The following MOCS1 variants were observed in gnomAD, a reference collection of about 807,000 sequenced individuals.
MOCS1 encodes the protein molybdenum cofactor biosynthesis protein 1.
A neutral mutation model predicts 57.6 loss-of-function variants in MOCS1; 39 were observed. The observed-to-expected ratio is 0.68, with a 90% CI of 0.52 to 0.88. The LOEUF is 0.88. Among genes scored for constraint, MOCS1 ranks in the 40% least tolerant of loss-of-function variants. The probability of loss-of-function intolerance (pLI) is 0.00; values close to 1 mark genes in which losing one functional copy is unlikely to be tolerated. For synonymous variants in MOCS1, 334 were observed against 335.7 expected, an observed-to-expected ratio of 1.00 and a Z score of 0.05; for missense variants, 795 against 831.1, an observed-to-expected ratio of 0.96 and a Z score of 0.53.
intron 3 of MOCS1, among the ~76,000 whole-genome samples, chr6:39,920,815 C>CA (rs201751623): frequency 0.023 from 3,434 of 151,800 alleles, 120 homozygotes; most frequent in African/African-American, 0.077. Flanking sequence ...ACTGTCTCTA[C>CA]AAAAAATACA....
intron 4 of MOCS1, among the ~76,000 whole-genome samples, chr6:39,914,242 G>C (rs1176681117): frequency 1.3e-5 from 2 of 152,222 alleles, no homozygotes; most frequent in African/African-American, 2.4e-5. Context: ...CAGGGGGCTA[G>C]ATGTGGCCTG....
chr6:39,920,627 A>G (rs1435238922), intron 3 of MOCS1, among the ~76,000 whole-genome samples: 1 of 152,208 alleles, frequency 6.6e-6, no homozygotes, highest in Non-Finnish European at 1.5e-5. Context: ...TAAGCCCTGA[A>G]AGACTACACA....
Position 39,907,042 on chromosome 6 carries a change from C to A in MOCS1, c.1226G>T (p.Gly409Val). The change falls in exon 11 of 11, where the codon GGT becomes GTT. Residue 409 changes from glycine (G) to valine (V), a missense_variant. This residue lies in a region of MOCS1 where 374 missense variants were observed against 422.6 expected (regional missense o/e 0.89). Transcript: ENST00000340692. ...IFSWDPLHVQ[G>V]LRPRMSFSSQ... is the part of the protein sequence containing the mutation. The stretch of plus-strand genomic sequence containing the variant: ...GGAGAAACTCATTCTGGGTCTTAGA[C>A]CCTGAACATGGAGCGGGTCCCAGGA... 5 of 1,613,676 alleles carry A rather than the reference C, an allele frequency of 3.1e-6. No individual in the cohort carries two copies. The highest frequency in any genetic ancestry group is 4.2e-6 in the Non-Finnish European group (5 of 1,179,724).
At chr6:39,926,858 T>G (rs73414898) in intron 2 of MOCS1, among the ~76,000 whole-genome samples, 1 of 148,052 alleles carries the variant, frequency 6.8e-6, no homozygotes. Context: ...TTTGGGAGGA[T>G]TATGAAATGA....
intron 3 of MOCS1, among the ~76,000 whole-genome samples, chr6:39,917,900 G>A (rs951052628): frequency 6.6e-6 from 1 of 152,124 alleles, no homozygotes; most frequent in African/African-American, 2.4e-5. Context: ...ATTCAGCAAA[G>A]GCATTCTTGA....
chr6:39,921,588 A>C (rs1349761126), intron 3 of MOCS1, among the ~76,000 whole-genome samples: 1 of 152,172 alleles, frequency 6.6e-6, no homozygotes, highest in Non-Finnish European at 1.5e-5. Flanking sequence ...CCAAAAATAA[A>C]ACAAAATGCT....
chr6:39,915,392 C>T (rs993079653), intron 4 of MOCS1, among the ~76,000 whole-genome samples: 6 of 152,154 alleles, frequency 3.9e-5, no homozygotes, highest in South Asian at 4.1e-4. Context: ...CTCTGATCCT[C>T]CAGAGTCCTC....
chr6:39,906,604 T>G lies in MOCS1; in HGVS notation c.1664A>C (p.His555Pro), dbSNP rs769461471. Residue 555 changes from histidine to proline, a missense_variant, in exon 11 of 11, where the codon CAC becomes CCC. Around this residue, in one of 3 missense-constraint regions of MOCS1, gnomAD observed 374 missense variants for 422.6 expected, o/e 0.89. Coordinates refer to ENST00000340692, the MANE Select transcript of MOCS1 (RefSeq NM_001358530.2). ...CTGGATGTGGCTCAGGGCCACGTGG[T>G]GGCACAGAGGGATCAGCTGGCTGGT... ...KVTSQLIPLC[H>P]HVALSHIQVQ... 6.2e-6 allele frequency: 10 copies of G among 1,613,874 alleles called. No individual in the cohort carries two copies. Among genetic ancestry groups the G allele is most frequent in the Non-Finnish European group, 8.5e-6 (10 of 1,180,028 alleles).
intron 9 of MOCS1, among the ~76,000 whole-genome samples, chr6:39,909,317 CAGGGGAA>C (rs1767170057): frequency 3.3e-5 from 2 of 60,036 alleles, no homozygotes; most frequent in Non-Finnish European, 6.2e-5. Context: ...GAGAGGAAAG[CAGGGGAA>C]GGGGAGAGGG....
In MOCS1 at chr6:39,910,412, C is replaced by T. The variant is rs547385274; in HGVS notation, c.982-457G>A. Among the ~76,000 whole-genome samples the T allele has an allele frequency of 2.0e-5, 3 of 152,316 alleles. No homozygotes were observed. The South Asian group carries it at 6.2e-4, about 32-fold the overall frequency. On this transcript the variant is annotated intron_variant, in intron 8 of 10. Coordinates refer to ENST00000340692, the MANE Select transcript of MOCS1 (RefSeq NM_001358530.2). ...CCCTCCAAGTCCCTTGTGGACATCA[C>T]CTGACTGCCCTGTACCTATTTGAGT... is the stretch of plus-strand genomic sequence containing the variant.
chr6:39,910,028 C>T, intron 8 of MOCS1, 73 bp from the exon 9 acceptor site: 1 of 1,600,792 alleles, frequency 6.2e-7, no homozygotes, highest in Non-Finnish European at 8.5e-7. Context: ...GGAGCTAACT[C>T]CTTCCCTGGT....
intron 10 of MOCS1, 136 bp from the exon 11 acceptor site, chr6:39,907,253 A>T (rs1324596108): frequency 1.0e-6 from 1 of 972,794 alleles, no homozygotes; most frequent in Non-Finnish European, 1.5e-6. Flanking sequence ...AAGAACAAAA[A>T]GCATAGTGGG....
intron 3 of MOCS1, among the ~76,000 whole-genome samples, chr6:39,925,032 A>G (rs1768197020): frequency 6.6e-6 from 1 of 152,184 alleles, no homozygotes; most frequent in Non-Finnish European, 1.5e-5. Flanking sequence ...GTGAGCCGAG[A>G]TCCTGCCACT....
chr6:39,906,364 C>G lies in MOCS1; in HGVS notation c.1904G>C (p.Arg635Pro). The G allele has an allele frequency of 6.3e-7, 1 of 1,595,660 alleles. No homozygotes were observed. The highest frequency in any genetic ancestry group is 1.1e-5 in the South Asian group (1 of 89,452). The change falls in exon 11 of 11, where the codon CGG becomes CCG. Residue 635 changes from arginine (R) to proline (P), a missense_variant. Arg to Pro is a moderately radical substitution (Grantham distance 103). Coordinates refer to ENST00000340692, the MANE Select transcript of MOCS1 (RefSeq NM_001358530.2). ...GGGTGAGAAGGGCAGGTGCTAAGCCCGATGGAAGTCCCCCCGCTGACCACC... is the reference window on the plus strand; with the variant it reads ...GGGTGAGAAGGGCAGGTGCTAAGCCGGATGGAAGTCCCCCCGCTGACCACC... The part of the protein sequence containing the change: ...KTGGQRGDFH[R>P]A
chr6:39,930,362 C>A (rs997331813), intron 1 of MOCS1, among the ~76,000 whole-genome samples: 3 of 152,132 alleles, frequency 2.0e-5, no homozygotes, highest in African/African-American at 7.2e-5. Flanking sequence ...GGATCATATT[C>A]CCAGGGTCCC....
chr6:39,930,059 C>T (rs1218861258), intron 1 of MOCS1, among the ~76,000 whole-genome samples: 1 of 151,962 alleles, frequency 6.6e-6, no homozygotes, highest in Admixed American at 6.6e-5. Flanking sequence ...CAGACTGCAC[C>T]ACCCGTTCTG....
chr6:39,912,472 C>G lies in MOCS1; in HGVS notation c.871-98G>C. ...ACATCAGAACCTCCACTCCTCAACC[C>G]TCTCCCAGAGGACCCCACGTGAAGC... On this transcript the variant is annotated intron_variant, in intron 7 of 10. Coordinates refer to ENST00000340692, the MANE Select transcript of MOCS1 (RefSeq NM_001358530.2). 3 of 896,050 alleles carry G rather than the reference C, an allele frequency of 3.3e-6. No individual in the cohort carries two copies. In the South Asian group the frequency reaches 4.0e-5, roughly 12 times the overall value. The allele number at this position is 896,050 out of a possible 1,614,324, so 55.5% of individuals were successfully genotyped here.
At chr6:39,918,430 T>C (rs1170578385) in intron 3 of MOCS1, among the ~76,000 whole-genome samples, 1 of 152,242 alleles carries the variant, frequency 6.6e-6, no homozygotes, top group Non-Finnish European at 1.5e-5. Context: ...AGAGAAGTTG[T>C]ACATGAATTT....
At position 39,934,337 on chromosome 6, in the gene MOCS1, C is replaced by A; in HGVS notation, c.81G>T (p.Val27=). The part of the protein sequence containing the change: ...SARSCSSGAP[V]TQPCPGESAR... ...CGGACTCCCCGGGGCAGGGCTGGGT[C>A]ACCGGAGCCCCTGAGCTGCAGCTCC... is the stretch of plus-strand genomic sequence containing the variant. Residue 27 remains valine, a synonymous_variant, in exon 1 of 11, where the codon GTG becomes GTT. Coordinates refer to ENST00000340692, the MANE Select transcript of MOCS1 (RefSeq NM_001358530.2). 6.4e-7 allele frequency: 1 copy of A among 1,551,822 alleles called. No homozygotes were observed. Among genetic ancestry groups the A allele is most frequent in the Non-Finnish European group, 8.7e-7 (1 of 1,153,202 alleles).
Sources: gnomAD v4.1 joint callset for allele counts (sites outside exome capture counted in the v4.1 genomes callset) on GRCh38, gnomAD v4.1.1 for gene constraint, gnomAD v4.1.1 regional missense constraint, MANE v1.5 for transcripts, NCBI Gene and HGNC (gene_info 2026-07-23, HGNC 2026-07-21) for gene names.